BDH1: variants seen among roughly 807,000 people sequenced by gnomAD.
BDH1 encodes the protein D-beta-hydroxybutyrate dehydrogenase, mitochondrial.
In BDH1, 30 loss-of-function variants were observed where a neutral mutation model predicts 33.1. The ratio of observed to expected loss-of-function variants is 0.91; its 90% CI spans 0.68 to 1.23. The LOEUF (loss-of-function observed/expected upper bound fraction) is 1.23. BDH1 is among the 50% of genes most tolerant of loss of function. The probability of loss-of-function intolerance (pLI) is 0.00; values close to 1 mark genes in which losing one functional copy is unlikely to be tolerated. For missense variants in BDH1, 443 were observed against 464.4 expected, an observed-to-expected ratio of 0.95 and a Z score of 0.42; for synonymous variants, 190 against 183.6, an observed-to-expected ratio of 1.03 and a Z score of -0.28.
chr3:197,560,903 G>A (rs1255635794), upstream of BDH1, among the ~76,000 whole-genome samples: 1 of 152,134 alleles, frequency 6.6e-6, no homozygotes, highest in African/African-American at 2.4e-5. Flanking sequence ...ACCTACTTGT[G>A]ACCTGGAACC....
At chr3:197,568,467 G>A (rs1272025337) in intron 1 of BDH1, among the ~76,000 whole-genome samples, 3 of 152,052 alleles carry the variant, frequency 2.0e-5, no homozygotes, top group Non-Finnish European at 4.4e-5. Flanking sequence ...TTTGACAGCT[G>A]ATCTTAACGT....
chr3:197,544,762 T>C (rs1297019642), intron 3 of BDH1, among the ~76,000 whole-genome samples: 1 of 152,194 alleles, frequency 6.6e-6, no homozygotes, highest in Non-Finnish European at 1.5e-5. Flanking sequence ...TTCAAGCAAA[T>C]GCTGCTAAAA....
intron 3 of BDH1, among the ~76,000 whole-genome samples, chr3:197,539,812 C>G (rs995867617): frequency 6.6e-6 from 1 of 152,218 alleles, no homozygotes; most frequent in Non-Finnish European, 1.5e-5. Context: ...GGCCTTCCCC[C>G]ACCCACCAAA....
chr3:197,569,692 A>G lies in BDH1; in HGVS notation c.-44+3489T>C, dbSNP rs556848401. On this transcript the variant is annotated intron_variant, in intron 1 of 6. Transcript: ENST00000358186. ...GCTTTCATCCTCTCTCTTGTCTGCC[A>G]CCATGTAAGACGTGCCTTTTGCCTT... Among the ~76,000 whole-genome samples, 7 of 152,340 alleles carry G rather than the reference A, an allele frequency of 4.6e-5. No homozygotes were observed. The East Asian group carries it at 5.8e-4, about 13-fold the overall frequency.
At chr3:197,557,223 A>G (rs1387368543), upstream of BDH1, among the ~76,000 whole-genome samples, 2 of 152,192 alleles carry the variant, frequency 1.3e-5, no homozygotes, top group Non-Finnish European at 2.9e-5. This position sits in a 1 kb window ranked among gnomAD's most constrained non-coding sequence, Gnocchi z 4.6. Flanking sequence ...CTGTGTCCCA[A>G]CCACCTTAGG....
intron 1 of BDH1, among the ~76,000 whole-genome samples, chr3:197,565,361 T>A: frequency 6.6e-6 from 1 of 152,352 alleles, no homozygotes; most frequent in East Asian, 1.9e-4. Context: ...TAACCTGTGA[T>A]ATCAAGTGTT....
intron 1 of BDH1, among the ~76,000 whole-genome samples, chr3:197,569,434 G>C (rs1717535204): frequency 6.6e-6 from 1 of 152,114 alleles, no homozygotes; most frequent in African/African-American, 2.4e-5. Context: ...AAAGTTATAG[G>C]TTCTGGTTGA....
chr3:197,522,727 T>A lies in BDH1; in HGVS notation c.322A>T (p.Arg108Ter). The A allele has an allele frequency of 6.2e-7, 1 of 1,614,192 alleles. No homozygotes were observed. Among genetic ancestry groups the A allele is most frequent in the Non-Finnish European group, 8.5e-7 (1 of 1,180,022 alleles). ...CTGCAGACATTGAGCTGGACGGTTC[T>A]CAATCGGTCACTGTTTAGGCTGTCC... Reference protein sequence around the residue: ...ELDSLNSDRLRTVQLNVCSSE... With the variant: ...ELDSLNSDRL The change falls in exon 6 of 8, where the codon AGA (arginine) becomes TGA (stop). Residue 108 changes from arginine (R) to a stop codon, truncating the protein, a stop_gained. Coordinates refer to ENST00000392379, the MANE Select transcript of BDH1 (RefSeq NM_203314.3). LOFTEE classifies it high-confidence loss of function. This position sits in a 1 kb window ranked among gnomAD's most constrained non-coding sequence, Gnocchi z 4.8.
intron 6 of BDH1, among the ~76,000 whole-genome samples, chr3:197,515,110 T>C (rs7617106): frequency 0.33 from 50,645 of 152,222 alleles, 10,438 homozygotes; most frequent in African/African-American, 0.59. Context: ...GGCGCTGCTT[T>C]ATTTTCCAAG....
chr3:197,558,306 G>A (rs1717143736), upstream of BDH1, among the ~76,000 whole-genome samples: 1 of 152,206 alleles, frequency 6.6e-6, no homozygotes, highest in Admixed American at 6.5e-5. Context: ...AGTAAACCTG[G>A]AAGTGCAAAG....
At chr3:197,533,292 T>A (rs1339344463) in intron 4 of BDH1, among the ~76,000 whole-genome samples, 197 bp downstream of exon 4, 1 of 152,180 alleles carries the variant, frequency 6.6e-6, no homozygotes, top group Non-Finnish European at 1.5e-5. Flanking sequence ...GCCTCATTAC[T>A]GCTTCCTCCC....
At chr3:197,556,400 G>T (rs948891804), upstream of BDH1, among the ~76,000 whole-genome samples, 3 of 152,222 alleles carry the variant, frequency 2.0e-5, no homozygotes, top group African/African-American at 7.2e-5. Context: ...GGGGGCGGTG[G>T]CTCACGCCTG....
chr3:197,560,064 T>C (rs746498751), upstream of BDH1, among the ~76,000 whole-genome samples: 1 of 152,246 alleles, frequency 6.6e-6, no homozygotes, highest in Non-Finnish European at 1.5e-5. Flanking sequence ...AGGTACTGTT[T>C]GCAAATTAGC....
Position 197,552,444 on chromosome 3 carries a change from C to T in BDH1, c.-44+2118G>A, listed in dbSNP as rs146690333. Among the ~76,000 whole-genome samples, 1,189 of 152,294 alleles carry T rather than the reference C, an allele frequency of 7.8e-3. 19 individuals are homozygous for T. Among genetic ancestry groups the T allele is most frequent in the African/African-American group, 0.027 (1,103 of 41,552 alleles). ...CACCAAACTCCTGCCAGAGTAAAAG[C>T]CAAAATCTAGAGTTTGCCTACAAGG... On this transcript the variant is annotated intron_variant, in intron 2 of 7. Transcript: ENST00000392379.
At chr3:197,571,126 C>A (rs1464415045) in intron 1 of BDH1, among the ~76,000 whole-genome samples, 1 of 152,212 alleles carries the variant, frequency 6.6e-6, no homozygotes, top group African/African-American at 2.4e-5. Flanking sequence ...TTTCATGGAA[C>A]CTTTGGCCCC....
rs767243677 is a variant in BDH1, at chr3:197,521,875, G to A, written c.409+765C>T. ...ACATTGCCACTGCCATCCTCAGAGG[G>A]AGATTCACAAGTCTCACAATGACCA... On this transcript the variant is annotated intron_variant, in intron 6 of 7. Transcript: ENST00000392379. The surrounding 1 kb of genome is among the most constrained non-coding windows in gnomAD (Gnocchi z 4.9). 2.0e-5 allele frequency among the ~76,000 whole-genome samples: 3 copies of A among 152,150 alleles called. No homozygotes were observed. Among genetic ancestry groups the A allele is most frequent in the Non-Finnish European group, 4.4e-5 (3 of 68,038 alleles).
chr3:197,531,466 T>A (rs1458520450), intron 5 of BDH1, among the ~76,000 whole-genome samples: 1 of 147,520 alleles, frequency 6.8e-6, no homozygotes, highest in African/African-American at 2.5e-5. Context: ...TATATGTATA[T>A]ATATATAGCA....
upstream of BDH1, among the ~76,000 whole-genome samples, chr3:197,559,849 C>T (rs942053787): frequency 2.6e-5 from 4 of 152,228 alleles, no homozygotes; most frequent in Admixed American, 2.6e-4. Flanking sequence ...CACCTTCTAC[C>T]GTTCTGGTTG....
chr3:197,533,473 C>G lies in BDH1; in HGVS notation c.156+16G>C. ...GACCATCCAACTGGCTCCCGGGTAG[C>G]TGGGCTTCCACTCACCGGCTCCGCC... On this transcript the variant is annotated intron_variant, in intron 4 of 7. Coordinates refer to ENST00000392379, the MANE Select transcript of BDH1 (RefSeq NM_203314.3). 1 of 1,613,912 alleles carries G rather than the reference C, an allele frequency of 6.2e-7. No individual in the cohort carries two copies.
Sources: gnomAD v4.1 joint callset for allele counts (sites outside exome capture counted in the v4.1 genomes callset) on GRCh38, gnomAD v4.1.1 for gene constraint, Gnocchi (gnomAD v3.1) non-coding constraint, MANE v1.5 for transcripts, NCBI Gene and HGNC (gene_info 2026-07-23, HGNC 2026-07-21) for gene names.